Variants in OPCML observed in about 807,000 individuals in gnomAD.
OPCML encodes the protein opioid binding protein/cell adhesion molecule like, also known as opioid-binding protein/cell adhesion molecule.
Under a neutral mutation model 37.8 loss-of-function variants are expected in OPCML, and 13 were observed. That is an observed-to-expected ratio of 0.34 (90% confidence interval 0.22 to 0.55). The LOEUF (loss-of-function observed/expected upper bound fraction) is 0.55, where lower values mean the gene tolerates loss of function less well. OPCML is among the 20% of genes least tolerant of loss of function. OPCML has a pLI of 0.91. For missense variants in OPCML, 341 were observed against 435.6 expected (o/e 0.78, Z 1.93); for synonymous variants, 176 against 168.8 (o/e 1.04, Z -0.33).
At chr11:133,364,067 G>A (rs1448003422) in intron 1 of OPCML, among the ~76,000 whole-genome samples, 2 of 152,106 alleles carry the variant, frequency 1.3e-5, no homozygotes, top group African/African-American at 2.4e-5. Flanking sequence ...GTTATCATGC[G>A]GTAAGTCCCA....
At position 132,432,430 on chromosome 11, in the gene OPCML, G is replaced by A. The variant is rs1252073459; in HGVS notation, c.916+3656C>T. ...TCATAGGATCAGAGAATTGTGCCTT[G>A]TAGGGACCACAGAAACCAAACATCT... On this transcript the variant is annotated intron_variant, in intron 7 of 7. Transcript: ENST00000524381. Among the ~76,000 whole-genome samples, 6 of 152,152 alleles carry A rather than the reference G, an allele frequency of 3.9e-5. No individual in the cohort carries two copies. The East Asian group carries it at 9.6e-4, about 24-fold the overall frequency.
At chr11:132,450,077 G>A (rs1313370689) in intron 4 of OPCML, among the ~76,000 whole-genome samples, 1 of 152,146 alleles carries the variant, frequency 6.6e-6, no homozygotes, top group Non-Finnish European at 1.5e-5. Flanking sequence ...GCTGCAGCCA[G>A]GGCTGGTCGT....
At chr11:132,999,684 C>T (rs986013025) in intron 1 of OPCML, among the ~76,000 whole-genome samples, 1 of 152,098 alleles carries the variant, frequency 6.6e-6, no homozygotes, top group Non-Finnish European at 1.5e-5. Flanking sequence ...CAGAGGCGGC[C>T]ATCAGAAATG....
chr11:133,462,381 G>A (rs563429620), intron 1 of OPCML, among the ~76,000 whole-genome samples: 31 of 151,980 alleles, frequency 2.0e-4, no homozygotes, highest in Non-Finnish European at 3.7e-4. Flanking sequence ...TCAAAGACCA[G>A]TATCATCAGA....
chr11:132,663,677 T>C (rs1942083331), intron 2 of OPCML, among the ~76,000 whole-genome samples: 1 of 152,154 alleles, frequency 6.6e-6, no homozygotes, highest in Non-Finnish European at 1.5e-5. Flanking sequence ...TCCACTGTAG[T>C]AATGAAGGTT....
chr11:132,789,448 T>C (rs1403174076), intron 2 of OPCML, among the ~76,000 whole-genome samples: 1 of 151,936 alleles, frequency 6.6e-6, no homozygotes, highest in Non-Finnish European at 1.5e-5. Context: ...GAGTTGAAAA[T>C]AAGAAGAGGC....
chr11:132,957,286 T>A (rs951688661), intron 1 of OPCML, among the ~76,000 whole-genome samples: 5 of 151,676 alleles, frequency 3.3e-5, no homozygotes, highest in Non-Finnish European at 7.4e-5. Context: ...CATTAGAAAG[T>A]CTCCAGAAAA....
At chr11:132,789,600 T>C (rs900297876) in intron 2 of OPCML, among the ~76,000 whole-genome samples, 3 of 152,196 alleles carry the variant, frequency 2.0e-5, no homozygotes, top group Non-Finnish European at 2.9e-5. Flanking sequence ...AATACAGCAG[T>C]TGAGGTCTGA....
intron 1 of OPCML, among the ~76,000 whole-genome samples, chr11:133,178,323 C>T (rs1288112075): frequency 6.6e-6 from 1 of 152,124 alleles, no homozygotes; most frequent in East Asian, 1.9e-4. Context: ...GAAAATGGTG[C>T]AGAGCTTGCC....
At position 132,418,497 on chromosome 11, in the gene OPCML, G is replaced by C. The variant is rs1307572496; in HGVS notation, c.*1696C>G. The C allele has an allele frequency of 6.6e-6, 1 of 152,636 alleles. No homozygotes were observed. Among genetic ancestry groups the C allele is most frequent in the African/African-American group, 2.4e-5 (1 of 41,460 alleles). The allele number at this position is 152,636 out of a possible 1,614,324, so 9.5% of individuals were successfully genotyped here. On this transcript the variant is annotated 3_prime_UTR_variant, in exon 8 of 8. Coordinates refer to ENST00000524381, the MANE Select transcript of OPCML (RefSeq NM_001012393.5). ...AGAAGCAGCTGCATCAGAGGAAACT[G>C]TGTCACTGACACTTTCTCCCTTCTG...
At chr11:133,116,321 A>C (rs969538618) in intron 1 of OPCML, among the ~76,000 whole-genome samples, 3 of 152,248 alleles carry the variant, frequency 2.0e-5, no homozygotes, top group Admixed American at 2.0e-4. Context: ...AAATGTTTGC[A>C]TTATTATAGT....
At chr11:133,259,930 A>G in intron 1 of OPCML, among the ~76,000 whole-genome samples, 1 of 152,230 alleles carries the variant, frequency 6.6e-6, no homozygotes, top group Non-Finnish European at 1.5e-5. Flanking sequence ...CTGTCTTCAT[A>G]GAGTTTCCAT....
intron 1 of OPCML, among the ~76,000 whole-genome samples, chr11:133,512,975 C>T (rs1408458607): frequency 6.6e-6 from 1 of 152,126 alleles, no homozygotes; most frequent in Non-Finnish European, 1.5e-5. Flanking sequence ...ACTAAATATG[C>T]CTTTATCCTG....
At chr11:133,463,412 A>C (rs1455105861) in intron 1 of OPCML, among the ~76,000 whole-genome samples, 1 of 152,168 alleles carries the variant, frequency 6.6e-6, no homozygotes, top group Non-Finnish European at 1.5e-5. Flanking sequence ...TGTTATTTAC[A>C]CTTTACCACA....
chr11:132,478,376 T>C (rs2096164826), intron 4 of OPCML, among the ~76,000 whole-genome samples: 1 of 152,154 alleles, frequency 6.6e-6, no homozygotes, highest in African/African-American at 2.4e-5. Context: ...CAGTAGGTGC[T>C]TAATAAGTGC....
Position 132,652,349 on chromosome 11 carries a change from A to AACACACACACACACACAC in OPCML, c.379+4720_379+4737dup, listed in dbSNP as rs5795793. ...AATATCAATAGAAGGAAGAATGACA[A>AACACACACACACACACAC]ACACACACACACACACACACACACA... On this transcript the variant is annotated intron_variant, in intron 3 of 7. Coordinates refer to ENST00000524381, the MANE Select transcript of OPCML (RefSeq NM_001012393.5). Among the ~76,000 whole-genome samples, 649 of 142,584 alleles carry AACACACACACACACACAC rather than the reference A, an allele frequency of 4.6e-3. 7 individuals are homozygous for AACACACACACACACACAC. The highest frequency in any genetic ancestry group is 0.016 in the African/African-American group (613 of 37,786). 93.5% of individuals were successfully genotyped at this position (142,584 alleles called of 152,430 possible).
rs1942338562 is a variant in OPCML, at chr11:132,668,913, G to A, written c.147-11594C>T. 2.0e-5 allele frequency among the ~76,000 whole-genome samples: 3 copies of A among 152,134 alleles called. No individual in the cohort carries two copies. The South Asian group carries it at 6.2e-4, about 32-fold the overall frequency. On this transcript the variant is annotated intron_variant, in intron 2 of 7. Coordinates refer to ENST00000524381, the MANE Select transcript of OPCML (RefSeq NM_001012393.5). ...CAACCTACGTAGAATTCTGCAGTGG[G>A]ATTTCATTTCCCTCTGAGGTTTATT...
chr11:132,794,911 A>G (rs1020378694), intron 2 of OPCML, among the ~76,000 whole-genome samples: 1 of 152,086 alleles, frequency 6.6e-6, no homozygotes, highest in Non-Finnish European at 1.5e-5. Context: ...AAAAAAAAAA[A>G]AAAGAAACTA....
chr11:133,408,919 A>G (rs1289112725), intron 1 of OPCML, among the ~76,000 whole-genome samples: 1 of 152,192 alleles, frequency 6.6e-6, no homozygotes, highest in African/African-American at 2.4e-5. Flanking sequence ...CTCTCTTACA[A>G]TTGAATAAGC....
Sources: gnomAD v4.1 joint callset for allele counts (sites outside exome capture counted in the v4.1 genomes callset) on GRCh38, gnomAD v4.1.1 for gene constraint, MANE v1.5 for transcripts, NCBI Gene and HGNC (gene_info 2026-07-23, HGNC 2026-07-21) for gene names.